The following FBRSL1 variants were observed in gnomAD, a reference collection of about 807,000 sequenced individuals.
The protein encoded by FBRSL1 is fibrosin like 1, also known as fibrosin-1-like protein.
In FBRSL1, 51 loss-of-function variants were observed where a neutral mutation model predicts 89.6. The ratio of observed to expected loss-of-function variants is 0.57; its 90% CI spans 0.45 to 0.72. The LOEUF (loss-of-function observed/expected upper bound fraction) is 0.72, where lower values mean the gene tolerates loss of function less well. FBRSL1 is among the 30% of genes least tolerant of loss of function. The pLI is 0.00. For missense variants in FBRSL1, 1,618 were observed against 1,451.8 expected, an observed-to-expected ratio of 1.11 and a Z score of -1.86; for synonymous variants, 779 against 681.1, an observed-to-expected ratio of 1.14 and a Z score of -2.24.
At chr12:132,517,914 C>G (rs1327522858) in intron 2 of FBRSL1, among the ~76,000 whole-genome samples, 1 of 152,150 alleles carries the variant, frequency 6.6e-6, no homozygotes, top group Non-Finnish European at 1.5e-5. Context: ...GGTCATTCTT[C>G]TGTTGGACAG....
chr12:132,532,489 GC>G lies in FBRSL1; in HGVS notation c.615+4508del, dbSNP rs375117189. ...CCCCAGTAGCACCCACTTGGCCACA[GC>G]CCCCCCAGGCCCTTCCTGTCCCCAC... On this transcript the variant is annotated intron_variant, in intron 4 of 18. Transcript: ENST00000680143. Among the ~76,000 whole-genome samples, 81 of 152,224 alleles carry G rather than the reference GC, an allele frequency of 5.3e-4. 1 individual carries two copies. In the East Asian group the frequency reaches 0.015, roughly 28 times the overall value.
chr12:132,580,138 AGTGCAGTG>A (rs1264882530), intron 15 of FBRSL1, among the ~76,000 whole-genome samples: 2 of 152,074 alleles, frequency 1.3e-5, no homozygotes, highest in Admixed American at 1.3e-4. Flanking sequence ...GCCAGGCTGG[AGTGCAGTG>A]GTGCGATCTT....
Position 132,583,194 on chromosome 12 carries a change from C to T in FBRSL1, c.2425C>T (p.Pro809Ser), listed in dbSNP as rs1213348631. The T allele has an allele frequency of 1.4e-6, 2 of 1,448,824 alleles. No individual in the cohort carries two copies. Among genetic ancestry groups the T allele is most frequent in the Admixed American group, 2.5e-5 (1 of 40,066 alleles). The allele number at this position is 1,448,824 out of a possible 1,614,324, so 89.7% of individuals were successfully genotyped here. A position where few individuals can be genotyped will look rare whatever the true frequency, so the allele number is the denominator to read the frequency against. The change falls in exon 19 of 19, where the codon CCT (proline) becomes TCT (serine). Residue 809 changes from proline (P) to serine (S), a missense_variant. Coordinates refer to ENST00000680143, the MANE Select transcript of FBRSL1 (RefSeq NM_001367871.1). ...ATCCCCGCCCCACAGCAAGGCGGCC[C>T]CTGGAGACGTGAAGGTCAAGGAGGA... is the stretch of plus-strand genomic sequence containing the variant. ...RASPPHSKAAPGDVKVKEERG... is the reference protein window; with the variant it reads ...RASPPHSKAASGDVKVKEERG...
intron 5 of FBRSL1, among the ~76,000 whole-genome samples, chr12:132,564,696 C>G (rs907557360): frequency 1.1e-5 from 1 of 92,008 alleles, no homozygotes; most frequent in South Asian, 3.9e-4. Context: ...GGGGTTTCAC[C>G]GTGTTAGCCA....
At chr12:132,524,441 G>C (rs189855886) in intron 2 of FBRSL1, among the ~76,000 whole-genome samples, 39 of 152,374 alleles carry the variant, frequency 2.6e-4, no homozygotes, top group Admixed American at 4.6e-4. Flanking sequence ...TGTGCACCCT[G>C]TCAGCCACCC....
chr12:132,500,719 CCAGCCCGGGA>C (rs2032829938), intron 1 of FBRSL1, among the ~76,000 whole-genome samples: 1 of 152,098 alleles, frequency 6.6e-6, no homozygotes, highest in African/African-American at 2.4e-5. Context: ...CAGACTCCGT[CCAGCCCGGGA>C]CAGCCCATTC....
chr12:132,498,416 T>C (rs1308306209), intron 1 of FBRSL1, among the ~76,000 whole-genome samples: 1 of 152,176 alleles, frequency 6.6e-6, no homozygotes, highest in Admixed American at 6.5e-5. Flanking sequence ...AGCTACAGGC[T>C]GTCGAGGACC....
At chr12:132,492,585 A>G (rs1469919934) in intron 1 of FBRSL1, among the ~76,000 whole-genome samples, 1 of 152,244 alleles carries the variant, frequency 6.6e-6, no homozygotes, top group Non-Finnish European at 1.5e-5. Context: ...TCCAGGGCCA[A>G]TCCCAGGCCC....
chr12:132,574,480 C>T lies in FBRSL1; in HGVS notation c.1630-13C>T, dbSNP rs982480120. 6.5e-7 allele frequency: 1 copy of T among 1,549,900 alleles called. No homozygotes were observed. Among genetic ancestry groups the T allele is most frequent in the Admixed American group, 2.0e-5 (1 of 50,908 alleles). On this transcript the variant is annotated splice_polypyrimidine_tract_variant and intron_variant, in intron 13 of 18. Coordinates refer to ENST00000680143, the MANE Select transcript of FBRSL1 (RefSeq NM_001367871.1). Reference sequence around the variant, plus strand: ...TGGCACCAGCCCCACTGAGCGCTTCCATCCTGTCGCAGAAGCCGGGGAGGT... The same window carrying T: ...TGGCACCAGCCCCACTGAGCGCTTCTATCCTGTCGCAGAAGCCGGGGAGGT...
chr12:132,551,186 T>G (rs887296348), intron 5 of FBRSL1: 8 of 351,138 alleles, frequency 2.3e-5, no homozygotes, highest in Non-Finnish European at 4.5e-5. Flanking sequence ...GCATCAGCAG[T>G]GCCCAGAGCC....
intron 2 of FBRSL1, among the ~76,000 whole-genome samples, chr12:132,519,311 G>A (rs1593318110): frequency 1.3e-5 from 2 of 152,244 alleles, no homozygotes; most frequent in South Asian, 4.1e-4. Flanking sequence ...TAGCCTGGTT[G>A]GCATGTGGAG....
At chr12:132,580,023 T>A (rs545984429) in intron 15 of FBRSL1, among the ~76,000 whole-genome samples, 1 of 152,326 alleles carries the variant, frequency 6.6e-6, no homozygotes, top group East Asian at 1.9e-4. Context: ...TTAATGTTGC[T>A]TGGCTGTGTC....
intron 2 of FBRSL1, among the ~76,000 whole-genome samples, chr12:132,518,910 C>CGTCT (rs2035100934): frequency 6.6e-6 from 1 of 151,612 alleles, no homozygotes; most frequent in Non-Finnish European, 1.5e-5. Flanking sequence ...CCCACCCACC[C>CGTCT]GTCTGTCCAT....
At chr12:132,514,219 T>G (rs1593299292) in intron 2 of FBRSL1, among the ~76,000 whole-genome samples, 1 of 151,288 alleles carries the variant, frequency 6.6e-6, no homozygotes, top group African/African-American at 2.4e-5. Flanking sequence ...AGGGCATGAG[T>G]GGGGGGCTGG....
chr12:132,575,507 G>A (rs1299445703), intron 14 of FBRSL1, among the ~76,000 whole-genome samples: 1 of 152,224 alleles, frequency 6.6e-6, no homozygotes. Context: ...GATTACAGGC[G>A]TGAGCCACTG....
intron 2 of FBRSL1, chr12:132,511,740 C>T (rs891301127): frequency 1.3e-5 from 13 of 985,314 alleles, no homozygotes; most frequent in Admixed American, 1.2e-4. Context: ...TCCAGCACCC[C>T]GCACTTGCTC....
chr12:132,576,984 C>T, intron 15 of FBRSL1, 53 bp downstream of exon 15: 2 of 1,519,216 alleles, frequency 1.3e-6, no homozygotes, highest in Admixed American at 2.1e-5. Flanking sequence ...CGCTCGTGCC[C>T]AGCTGAGCCT....
chr12:132,495,999 A>C (rs906235790), intron 1 of FBRSL1, among the ~76,000 whole-genome samples: 1 of 152,126 alleles, frequency 6.6e-6, no homozygotes, highest in Non-Finnish European at 1.5e-5. Context: ...CCTCTTCCCC[A>C]TCCCCTCCCT....
At chr12:132,513,781 G>C (rs530296684) in intron 2 of FBRSL1, among the ~76,000 whole-genome samples, 2 of 152,286 alleles carry the variant, frequency 1.3e-5, no homozygotes, top group Admixed American at 6.5e-5. Flanking sequence ...CTGTGGCGGT[G>C]GGGCCAACCC....
Sources: allele counts gnomAD v4.1 joint callset (sites outside exome capture counted in the v4.1 genomes callset), GRCh38; gene constraint gnomAD v4.1.1; transcripts MANE v1.5; gene names NCBI Gene and HGNC (gene_info 2026-07-23, HGNC 2026-07-21).